FRYL: variants seen among roughly 807,000 people sequenced by gnomAD.
The protein encoded by FRYL is protein furry homolog-like.
A neutral mutation model predicts 351.2 loss-of-function variants in FRYL; 150 were observed. The ratio of observed to expected loss-of-function variants is 0.43; its 90% CI spans 0.37 to 0.49. FRYL has a LOEUF of 0.49. FRYL is among the 20% of genes least tolerant of loss of function. The probability of loss-of-function intolerance (pLI) is 0.00; values close to 1 mark genes in which losing one functional copy is unlikely to be tolerated. For synonymous variants in FRYL, 1,153 were observed against 1,257.1 expected (o/e 0.92, Z 1.75); for missense variants, 3,036 against 3,619.3 (o/e 0.84, Z 4.13).
intron 60 of FRYL, among the ~76,000 whole-genome samples, chr4:48,503,554 G>A (rs1336490401): frequency 1.3e-5 from 2 of 152,194 alleles, no homozygotes; most frequent in African/African-American, 4.8e-5. Flanking sequence ...AAAACTATAT[G>A]AAAACATGTA....
At chr4:48,523,127 C>T (rs1725259322) in intron 53 of FRYL, 23 bp from the exon 54 acceptor site, 2 of 1,549,474 alleles carry the variant, frequency 1.3e-6, no homozygotes, top group Non-Finnish European at 1.8e-6. Flanking sequence ...GACACGATTT[C>T]TAAAACCTCA....
chr4:48,710,660 G>C lies in FRYL; in HGVS notation c.-345C>G. 1 of 398,460 alleles carries C rather than the reference G, an allele frequency of 2.5e-6. No homozygotes were observed. Among genetic ancestry groups the C allele is most frequent in the Non-Finnish European group, 4.4e-6 (1 of 226,002 alleles). The allele number at this position is 398,460 out of a possible 1,614,324, so 24.7% of individuals were successfully genotyped here. A position where few individuals can be genotyped will look rare whatever the true frequency, so the allele number is the denominator to read the frequency against. The stretch of plus-strand genomic sequence containing the variant: ...ACACTGGTACAAAGCAGTAGTGAGT[G>C]AGTCACCGTGTGTGAAGCAGAATAT... On this transcript the variant is annotated 5_prime_UTR_variant, in exon 2 of 64. Coordinates refer to ENST00000358350, the MANE Select transcript of FRYL (RefSeq NM_015030.2).
At chr4:48,644,487 C>T (rs1755977676) in intron 3 of FRYL, among the ~76,000 whole-genome samples, 1 of 105,502 alleles carries the variant, frequency 9.5e-6, no homozygotes, top group African/African-American at 3.7e-5. Context: ...GTAGATAAAT[C>T]AGATAATTGT....
chr4:48,739,438 A>C lies in FRYL; in HGVS notation c.-383-28740T>G, dbSNP rs369943696. ...AAAAAAAAACAACTAATCTTTGAAA[A>C]TGGAGCAAAGGCAATACAAGGGAGA... On this transcript the variant is annotated intron_variant, in intron 1 of 63. Transcript: ENST00000358350. 1.3e-3 allele frequency among the ~76,000 whole-genome samples: 205 copies of C among 152,088 alleles called. 1 individual carries two copies. The highest frequency in any genetic ancestry group is 4.4e-3 in the African/African-American group (183 of 41,506).
intron 3 of FRYL, among the ~76,000 whole-genome samples, chr4:48,635,842 C>G (rs1372183969): frequency 1.3e-5 from 2 of 152,104 alleles, no homozygotes; most frequent in South Asian, 2.1e-4. Flanking sequence ...AAAGAGGAAG[C>G]AGAACACAAT....
In FRYL at chr4:48,547,821, C is replaced by G. The variant is rs776627300; in HGVS notation, c.4889-52G>C. 5 of 1,184,672 alleles carry G rather than the reference C, an allele frequency of 4.2e-6. No individual in the cohort carries two copies. In the South Asian group the frequency reaches 1.2e-4, roughly 28 times the overall value. The allele number at this position is 1,184,672 out of a possible 1,614,324, so 73.4% of individuals were successfully genotyped here. A position where few individuals can be genotyped will look rare whatever the true frequency, so the allele number is the denominator to read the frequency against. On this transcript the variant is annotated intron_variant, in intron 40 of 63. Transcript: ENST00000358350. ...TCAATAAAGAGAAATAATGAGTATT[C>G]TTACTACCAAACTCACATTTTGAAG...
Position 48,567,481 on chromosome 4 carries a change from A to T in FRYL, c.2997-61T>A. On this transcript the variant is annotated intron_variant, in intron 27 of 63. Transcript: ENST00000358350. The surrounding 1 kb of genome is among the most constrained non-coding windows in gnomAD (Gnocchi z 4.2). Reference sequence around the variant, plus strand: ...TGGGACTTTATGATTTAAATAAAAAATTCTTAATACTCAAAATCAGAATAA... The same window carrying T: ...TGGGACTTTATGATTTAAATAAAAATTTCTTAATACTCAAAATCAGAATAA... The T allele has an allele frequency of 7.9e-7, 1 of 1,266,254 alleles. No individual in the cohort carries two copies. The highest frequency in any genetic ancestry group is 1.1e-6 in the Non-Finnish European group (1 of 926,070). The allele number at this position is 1,266,254 out of a possible 1,614,324, so 78.4% of individuals were successfully genotyped here.
intron 1 of FRYL, among the ~76,000 whole-genome samples, chr4:48,745,046 T>C (rs2149654836): frequency 6.6e-6 from 1 of 152,258 alleles, no homozygotes; most frequent in African/African-American, 2.4e-5. Context: ...AGAAATAAGG[T>C]CAAAAAGCTA....
intron 3 of FRYL, among the ~76,000 whole-genome samples, chr4:48,678,227 T>C (rs1215324476): frequency 1.3e-5 from 2 of 152,040 alleles, no homozygotes; most frequent in South Asian, 2.1e-4. Context: ...ATGATTGGCA[T>C]AGCATTTCAA....
At chr4:48,680,317 T>A (rs1764421458) in intron 3 of FRYL, among the ~76,000 whole-genome samples, 1 of 151,984 alleles carries the variant, frequency 6.6e-6, no homozygotes, top group Non-Finnish European at 1.5e-5. Context: ...CTTGAAGCAT[T>A]TTTTCATCTT....
chr4:48,522,526 C>A (rs1725128916), intron 54 of FRYL, among the ~76,000 whole-genome samples: 1 of 152,174 alleles, frequency 6.6e-6, no homozygotes, highest in South Asian at 2.1e-4. Context: ...TCGAAAGGGA[C>A]CAAACTTGTG....
At chr4:48,500,855 CA>C (rs1421497277) in intron 62 of FRYL, among the ~76,000 whole-genome samples, 1 of 152,064 alleles carries the variant, frequency 6.6e-6, no homozygotes, top group Non-Finnish European at 1.5e-5. Context: ...CAGGCCAAGG[CA>C]GTGGGTCACC....
intron 1 of FRYL, among the ~76,000 whole-genome samples, chr4:48,719,482 G>A (rs527896010): frequency 1.7e-4 from 26 of 151,798 alleles, no homozygotes; most frequent in Middle Eastern, 3.4e-3. Flanking sequence ...TTAGTATCAA[G>A]TATTGTTAAG....
chr4:48,544,775 A>G lies in FRYL; in HGVS notation c.5401+8T>C, dbSNP rs373514284. 2.2e-4 allele frequency: 340 copies of G among 1,569,650 alleles called. 1 individual carries two copies. The highest frequency in any genetic ancestry group is 2.9e-4 in the Non-Finnish European group (333 of 1,165,196). ...GTCACTAAAACTAAAATATTTCTTA[A>G]AAGATACCTGAGCTTGACTGCTTAA... On this transcript the variant is annotated splice_region_variant and intron_variant, in intron 43 of 63. Transcript: ENST00000358350.
chr4:48,499,755 C>A, intron 63 of FRYL, 75 bp from the exon 64 acceptor site: 1 of 1,315,136 alleles, frequency 7.6e-7, no homozygotes, highest in Non-Finnish European at 1.1e-6. Context: ...AGTTAAATAC[C>A]TGTAACAACA....
intron 3 of FRYL, among the ~76,000 whole-genome samples, chr4:48,671,858 C>CAAAACAAAAA (rs1762753377): frequency 8.9e-5 from 2 of 22,396 alleles, no homozygotes; most frequent in African/African-American, 1.3e-4. Context: ...GTCTCAAAAA[C>CAAAACAAAAA]AAAAAAAAAA....
At chr4:48,528,431 A>AT (rs1726762087) in intron 50 of FRYL, 95 bp from the exon 51 acceptor site, 5 of 899,432 alleles carry the variant, frequency 5.6e-6, no homozygotes, top group African/African-American at 1.7e-5. Context: ...TTTTTTACAA[A>AT]TAAAAAAAAA....
chr4:48,661,875 G>C (rs1760800070), intron 3 of FRYL, among the ~76,000 whole-genome samples: 1 of 151,864 alleles, frequency 6.6e-6, no homozygotes, highest in African/African-American at 2.4e-5. Flanking sequence ...AGAAGAAATA[G>C]AAAATAAAAG....
chr4:48,510,954 T>G lies in FRYL; in HGVS notation c.8176A>C (p.Asn2726His). 1 of 1,612,194 alleles carries G rather than the reference T, an allele frequency of 6.2e-7. No homozygotes were observed. Among genetic ancestry groups the G allele is most frequent in the Non-Finnish European group, 8.5e-7 (1 of 1,179,136 alleles). ...TIQRKFGEIT[N>H]EAVSFLGDSL... Reference sequence around the variant, plus strand: ...TCACCAAGAAAGCTGACTGCCTCATTAGTTATTTCTCCAAACTTTCTTTGA... The same window carrying G: ...TCACCAAGAAAGCTGACTGCCTCATGAGTTATTTCTCCAAACTTTCTTTGA... The change falls in exon 58 of 64, where the codon AAT (asparagine) becomes CAT (histidine). Residue 2726 changes from asparagine to histidine, a missense_variant. Physicochemically the swap from Asn to His is moderately conservative, Grantham distance 68 (BLOSUM62 1). Around this residue, in one of 7 missense-constraint regions of FRYL, gnomAD observed 1,987 missense variants for 2,311.7 expected, o/e 0.86. Coordinates refer to ENST00000358350, the MANE Select transcript of FRYL (RefSeq NM_015030.2).
Sources: gnomAD v4.1 joint callset for allele counts (sites outside exome capture counted in the v4.1 genomes callset) on GRCh38, gnomAD v4.1.1 for gene constraint, gnomAD v4.1.1 regional missense constraint, Gnocchi (gnomAD v3.1) non-coding constraint, MANE v1.5 for transcripts, NCBI Gene and HGNC (gene_info 2026-07-23, HGNC 2026-07-21) for gene names.